ARRDC1: variants seen among roughly 807,000 people sequenced by gnomAD.
The protein encoded by ARRDC1 is arrestin domain-containing protein 1.
ARRDC1 carries 37 observed loss-of-function variants against 40.1 expected under a neutral mutation model. The observed-to-expected ratio is 0.92, with a 90% CI of 0.71 to 1.21. The LOEUF (loss-of-function observed/expected upper bound fraction) is 1.21, where lower values mean the gene tolerates loss of function less well. Among genes scored for constraint, ARRDC1 ranks in the 50% most tolerant of loss-of-function variants. The pLI, the probability that ARRDC1 is intolerant of heterozygous loss-of-function variation, is 0.00. For missense variants in ARRDC1, 641 were observed against 581.9 expected (o/e 1.10, Z -1.04); for synonymous variants, 310 against 262.5 (o/e 1.18, Z -1.75).
At chr9:137,607,974 A>T (rs1842451409) in intron 1 of ARRDC1, among the ~76,000 whole-genome samples, 2 of 151,978 alleles carry the variant, frequency 1.3e-5, no homozygotes, top group African/African-American at 2.4e-5. Flanking sequence ...AACATTTTTT[A>T]TTTTTATTTT....
At chr9:137,609,754 G>A (rs1245890109) in intron 1 of ARRDC1, among the ~76,000 whole-genome samples, 1 of 150,882 alleles carries the variant, frequency 6.6e-6, no homozygotes, top group Non-Finnish European at 1.5e-5. Context: ...TCACACTTCT[G>A]GCCTCAAGCA....
intron 2 of ARRDC1, 164 bp from the exon 3 acceptor site, chr9:137,613,296 C>G (rs1842573871): frequency 1.2e-6 from 1 of 835,796 alleles, no homozygotes; most frequent in Non-Finnish European, 1.9e-6. Flanking sequence ...TATCCTCAGT[C>G]CTTCACCCAA....
chr9:137,609,725 C>T (rs546734307), intron 1 of ARRDC1, among the ~76,000 whole-genome samples: 2 of 151,996 alleles, frequency 1.3e-5, no homozygotes, highest in African/African-American at 2.4e-5. Flanking sequence ...GGGGTTTCAC[C>T]GTGTTACCTA....
intron 1 of ARRDC1, among the ~76,000 whole-genome samples, chr9:137,609,909 G>T (rs1265555989): frequency 4.0e-5 from 6 of 151,132 alleles, no homozygotes; most frequent in Non-Finnish European, 5.9e-5. Context: ...CACCTTCCGG[G>T]TTCACGCCAT....
chr9:137,607,852 A>C (rs535378128), intron 1 of ARRDC1, among the ~76,000 whole-genome samples: 2 of 152,284 alleles, frequency 1.3e-5, no homozygotes, highest in East Asian at 3.9e-4. Flanking sequence ...CCAGCTGGAG[A>C]AGAAAGTTCC....
intron 1 of ARRDC1, chr9:137,612,602 T>G (rs531467598): frequency 5.7e-6 from 2 of 351,300 alleles, no homozygotes; most frequent in African/African-American, 4.3e-5. Context: ...GTTACCAATC[T>G]GGGGGGTAAC....
chr9:137,610,397 C>T (rs1164285170), intron 1 of ARRDC1, among the ~76,000 whole-genome samples: 2 of 149,124 alleles, frequency 1.3e-5, no homozygotes, highest in South Asian at 4.3e-4. Flanking sequence ...CAGCATTTTT[C>T]TTTTTTTTTT....
At chr9:137,610,109 G>A (rs1000876389) in intron 1 of ARRDC1, among the ~76,000 whole-genome samples, 10 of 152,210 alleles carry the variant, frequency 6.6e-5, no homozygotes, top group Non-Finnish European at 1.0e-4. Flanking sequence ...CACTGCGCCC[G>A]GCCGGGTTTT....
intron 1 of ARRDC1, among the ~76,000 whole-genome samples, chr9:137,608,472 A>T (rs1366434389): frequency 6.6e-6 from 1 of 152,216 alleles, no homozygotes; most frequent in African/African-American, 2.4e-5. Context: ...GGTTCCCTTC[A>T]GCGTGTTCTG....
intron 1 of ARRDC1, chr9:137,612,474 C>T (rs116217517): frequency 0.022 from 4,736 of 211,686 alleles, 217 homozygotes; most frequent in African/African-American, 0.092. Context: ...GGAGTGTGGA[C>T]GGGTCCTTCC....
chr9:137,613,874 G>C, intron 4 of ARRDC1, 105 bp downstream of exon 4: 2 of 1,542,648 alleles, frequency 1.3e-6, no homozygotes. Context: ...CCCAGCTGAG[G>C]TGAGGGGGGC....
chr9:137,612,141 A>T (rs1191512200), intron 1 of ARRDC1: 1 of 152,268 alleles, frequency 6.6e-6, no homozygotes, highest in Non-Finnish European at 1.5e-5. Context: ...CTCCCTTGTG[A>T]CCAGCTTCTG....
At chr9:137,610,841 G>A (rs531945133) in intron 1 of ARRDC1, among the ~76,000 whole-genome samples, 89 of 152,330 alleles carry the variant, frequency 5.8e-4, no homozygotes, top group African/African-American at 2.1e-3. Context: ...GGGATTACAG[G>A]CATGAGCCAC....
At position 137,615,108 on chromosome 9, in the gene ARRDC1, C is replaced by T. The variant is rs769357115; in HGVS notation, c.1272C>T (p.Gly424=). The change falls in exon 8 of 8, where the codon GGC becomes GGT. Residue 424 remains glycine, a synonymous_variant. Transcript: ENST00000371421. ...APPSYEQSCG[G]VEPSLTPES The stretch of plus-strand genomic sequence containing the variant: ...CGTCTTATGAGCAGAGCTGCGGCGG[C>T]GTGGAACCCAGCCTGACCCCTGAGA... The T allele has an allele frequency of 1.5e-5, 23 of 1,559,422 alleles. 1 individual carries two copies. The highest frequency in any genetic ancestry group is 6.0e-5 in the South Asian group (5 of 82,924).
intron 1 of ARRDC1, among the ~76,000 whole-genome samples, chr9:137,610,131 A>G (rs944915311): frequency 1.3e-5 from 2 of 152,082 alleles, no homozygotes; most frequent in African/African-American, 4.8e-5. Flanking sequence ...TGTAATTTCT[A>G]GTGAGGTTGG....
chr9:137,615,083 CGTCTTATGA>C lies in ARRDC1; in HGVS notation c.1249_1257del (p.Ser417_Glu419del), dbSNP rs1393766756. 6 of 1,594,196 alleles carry C rather than the reference CGTCTTATGA, an allele frequency of 3.8e-6. No homozygotes were observed. Among genetic ancestry groups the C allele is most frequent in the Admixed American group, 3.4e-5 (2 of 58,278 alleles). ...TGCTTTCTTCCCGCAGAGGCCCCAC[CGTCTTATGA>C]GCAGAGCTGCGGCGGCGTGGAACCC... On this transcript the variant is annotated inframe_deletion, in exon 8 of 8. Transcript: ENST00000371421.
rs1360980749 is a variant in ARRDC1, at chr9:137,613,679, C to T, written c.345C>T (p.Ile115=). The change falls in exon 4 of 8, where the codon ATC becomes ATT. Residue 115 remains isoleucine (I), a synonymous_variant. Transcript: ENST00000371421. ...GKIVHQVRAA[I]HTPRFSKDHK... ...TCGTGCACCAGGTGAGGGCCGCCAT[C>T]CACACGCCACGGTTTTCCAAGGATC... 6.2e-7 allele frequency: 1 copy of T among 1,614,212 alleles called. No homozygotes were observed. Among genetic ancestry groups the T allele is most frequent in the Non-Finnish European group, 8.5e-7 (1 of 1,180,040 alleles).
intron 4 of ARRDC1, 35 bp from the exon 5 acceptor site, chr9:137,613,997 C>T: frequency 1.2e-6 from 2 of 1,609,698 alleles, no homozygotes; most frequent in South Asian, 1.1e-5. Flanking sequence ...AGCCTGCGCA[C>T]ACCTGCTAAG....
chr9:137,612,869 G>T, intron 1 of ARRDC1, 27 bp from the exon 2 acceptor site: 3 of 1,577,086 alleles, frequency 1.9e-6, no homozygotes, highest in Non-Finnish European at 2.6e-6. Context: ...CGGCTGGCTG[G>T]GGCTCATGCA....
Sources: gnomAD v4.1 joint callset for allele counts (sites outside exome capture counted in the v4.1 genomes callset) on GRCh38, gnomAD v4.1.1 for gene constraint, MANE v1.5 for transcripts, NCBI Gene and HGNC (gene_info 2026-07-23, HGNC 2026-07-21) for gene names.